Variants in PCDHA11 observed in about 807,000 individuals in gnomAD.
PCDHA11 encodes protocadherin alpha 11, also known as protocadherin alpha-11.
PCDHA11 carries 61 observed loss-of-function variants against 70.3 expected under a neutral mutation model. The observed-to-expected ratio is 0.87, with a 90% CI of 0.71 to 1.07. The LOEUF is 1.07. Ranked by LOEUF, PCDHA11 falls within the 50% of genes least tolerant of loss-of-function variation. The probability of loss-of-function intolerance (pLI) is 0.00; values close to 1 mark genes in which losing one functional copy is unlikely to be tolerated. For missense variants in PCDHA11, 1,324 were observed against 1,237.5 expected, an observed-to-expected ratio of 1.07 and a Z score of -1.05; for synonymous variants, 633 against 555.1, an observed-to-expected ratio of 1.14 and a Z score of -1.97.
At chr5:140,906,059 G>A (rs1583580035) in intron 1 of PCDHA11, among the ~76,000 whole-genome samples, 1 of 152,158 alleles carries the variant, frequency 6.6e-6, no homozygotes, top group South Asian at 2.1e-4. Flanking sequence ...TGCACTGGCA[G>A]CTGATTAGAT....
chr5:140,961,385 T>G (rs1480607533), intron 1 of PCDHA11, among the ~76,000 whole-genome samples: 3 of 152,204 alleles, frequency 2.0e-5, no homozygotes, highest in Non-Finnish European at 4.4e-5. Flanking sequence ...GTTTGAACTA[T>G]TCCATTAGTA....
chr5:140,961,638 A>G (rs1428621389), intron 1 of PCDHA11, among the ~76,000 whole-genome samples: 1 of 152,200 alleles, frequency 6.6e-6, no homozygotes, highest in Non-Finnish European at 1.5e-5. Flanking sequence ...AACAATCTTA[A>G]GTCTATGTGG....
intron 3 of PCDHA11, among the ~76,000 whole-genome samples, chr5:141,000,634 G>A (rs1554257716): frequency 6.6e-6 from 1 of 150,928 alleles, no homozygotes; most frequent in Non-Finnish European, 1.5e-5. Context: ...CACCATGTTG[G>A]GCAGGCTGGT....
At chr5:140,958,503 C>T (rs1426161443) in intron 1 of PCDHA11, among the ~76,000 whole-genome samples, 1 of 152,118 alleles carries the variant, frequency 6.6e-6, no homozygotes, top group Non-Finnish European at 1.5e-5. Context: ...TCCTAGGAGG[C>T]ATGGCTGTCC....
intron 3 of PCDHA11, among the ~76,000 whole-genome samples, chr5:140,982,861 G>A (rs1356683030): frequency 1.3e-5 from 2 of 152,110 alleles, no homozygotes; most frequent in African/African-American, 4.8e-5. Flanking sequence ...CCTTTCAAAT[G>A]CTTAGGTCAT....
rs367948106 is a variant in PCDHA11 at position 140,876,049 on chromosome 5, G to A, written c.2391+4555G>A. On this transcript the variant is annotated intron_variant, in intron 1 of 3. Coordinates refer to ENST00000398640, the MANE Select transcript of PCDHA11 (RefSeq NM_018902.5). Reference sequence around the variant, plus strand: ...AAAAAAAGATAAAAGTATATTGCCTGAATTAGTTCTTCGGAAGTTATTGGA... The same window carrying A: ...AAAAAAAGATAAAAGTATATTGCCTAAATTAGTTCTTCGGAAGTTATTGGA... The A allele has an allele frequency of 3.6e-4, 586 of 1,613,784 alleles. No individual in the cohort carries two copies. The highest frequency in any genetic ancestry group is 4.9e-4 in the Non-Finnish European group (575 of 1,179,896).
chr5:140,966,690 G>T, intron 1 of PCDHA11: 1 of 1,349,568 alleles, frequency 7.4e-7, no homozygotes, highest in Non-Finnish European at 9.5e-7. Context: ...AGCGGAGGCG[G>T]GGCCCGGGCG....
At chr5:140,898,701 A>G (rs1216294301) in intron 1 of PCDHA11, among the ~76,000 whole-genome samples, 2 of 152,102 alleles carry the variant, frequency 1.3e-5, no homozygotes, top group African/African-American at 4.8e-5. Context: ...ATGAACTTTA[A>G]AGTAGTTTTT....
rs1581866971 is a variant in PCDHA11, at chr5:140,869,088, G to A, written c.-16G>A. The stretch of plus-strand genomic sequence containing the variant: ...AAGTGTAAAGAAGCTTATTTTGGAA[G>A]CCAATTTCGTATGCGATGTTTGGTT... On this transcript the variant is annotated 5_prime_UTR_variant, in exon 1 of 4. Transcript: ENST00000398640. 1 of 1,587,910 alleles carries A rather than the reference G, an allele frequency of 6.3e-7. No individual in the cohort carries two copies. Among genetic ancestry groups the A allele is most frequent in the Non-Finnish European group, 8.6e-7 (1 of 1,166,956 alleles).
chr5:140,935,242 A>G (rs1054515711), intron 1 of PCDHA11, among the ~76,000 whole-genome samples: 16 of 152,218 alleles, frequency 1.1e-4, no homozygotes, highest in African/African-American at 3.6e-4. Context: ...ATTTTTTAAA[A>G]GATAAAATAC....
intron 1 of PCDHA11, chr5:140,929,117 T>C (rs1554206704): frequency 1.9e-6 from 3 of 1,614,160 alleles, no homozygotes; most frequent in African/African-American, 2.7e-5. Context: ...TCAGCCACCA[T>C]AGATGTCACT....
chr5:140,986,154 A>G (rs2097188970), intron 3 of PCDHA11, among the ~76,000 whole-genome samples: 1 of 152,182 alleles, frequency 6.6e-6, no homozygotes, highest in Non-Finnish European at 1.5e-5. Context: ...TCACCAAGTA[A>G]TGTTTTCTGC....
At chr5:140,971,419 G>A (rs1554233321) in intron 1 of PCDHA11, among the ~76,000 whole-genome samples, 1 of 152,140 alleles carries the variant, frequency 6.6e-6, no homozygotes. Context: ...TGGAAATCCA[G>A]TGAAGAACCC....
chr5:140,883,606 C>T (rs782093980), intron 1 of PCDHA11: 1 of 1,613,942 alleles, frequency 6.2e-7, no homozygotes, highest in South Asian at 1.1e-5. Flanking sequence ...TGGGGGTGGC[C>T]GACGTGAACG....
At chr5:140,891,100 G>T (rs544877951) in intron 1 of PCDHA11, among the ~76,000 whole-genome samples, 1 of 152,206 alleles carries the variant, frequency 6.6e-6, no homozygotes, top group East Asian at 1.9e-4. Context: ...TTGCTGTCAA[G>T]AATTTAGCTG....
At chr5:140,982,202 G>A (rs2096970508) in intron 2 of PCDHA11, 2 of 405,606 alleles carry the variant, frequency 4.9e-6, no homozygotes, top group Non-Finnish European at 8.1e-6. Context: ...GTTAGATTTA[G>A]TGAGCGCCAC....
Position 140,883,704 on chromosome 5 carries a change from C to A in PCDHA11, c.2391+12210C>A, listed in dbSNP as rs782488934. The A allele has an allele frequency of 1.9e-5, 31 of 1,613,628 alleles. 1 individual carries two copies. In the Middle Eastern group the frequency reaches 5.0e-4, roughly 26 times the overall value. ...GGCTGCCACATCTTCACGGTGTCTG[C>A]TCAGGACGCGGACGCACAGGAGAAC... On this transcript the variant is annotated intron_variant, in intron 1 of 3. Transcript: ENST00000398640.
At chr5:140,962,037 C>G (rs1449536712) in intron 1 of PCDHA11, among the ~76,000 whole-genome samples, 1 of 152,066 alleles carries the variant, frequency 6.6e-6, no homozygotes, top group African/African-American at 2.4e-5. Flanking sequence ...GCACCCACCA[C>G]CATGCCTGGC....
chr5:140,959,578 A>G (rs1554224156), intron 1 of PCDHA11, among the ~76,000 whole-genome samples: 1 of 152,188 alleles, frequency 6.6e-6, no homozygotes, highest in Non-Finnish European at 1.5e-5. Flanking sequence ...TTTTGTTTCA[A>G]TTCTATCAGC....
Sources: gnomAD v4.1 joint callset for allele counts (sites outside exome capture counted in the v4.1 genomes callset) on GRCh38, gnomAD v4.1.1 for gene constraint, MANE v1.5 for transcripts, NCBI Gene and HGNC (gene_info 2026-07-23, HGNC 2026-07-21) for gene names.